The following CEP83 variants were observed in gnomAD, a reference collection of about 807,000 sequenced individuals.
CEP83 encodes the protein centrosomal protein of 83 kDa.
CEP83 carries 70 observed loss-of-function variants against 101.9 expected under a neutral mutation model. That is an observed-to-expected ratio of 0.69 (90% CI 0.57 to 0.84). The LOEUF is 0.84. Ranked by LOEUF, CEP83 falls within the 40% of genes least tolerant of loss-of-function variation. The pLI, the probability that CEP83 is intolerant of heterozygous loss-of-function variation, is 0.00. For missense variants in CEP83, 715 were observed against 787.2 expected, an observed-to-expected ratio of 0.91 and a Z score of 1.10; for synonymous variants, 264 against 267.9, an observed-to-expected ratio of 0.99 and a Z score of 0.14.
At chr12:94,398,166 C>T (rs377171946) in intron 6 of CEP83, among the ~76,000 whole-genome samples, 2 of 152,018 alleles carry the variant, frequency 1.3e-5, no homozygotes, top group South Asian at 2.1e-4. Context: ...CTTCTTAAGC[C>T]GAAGCTGGAG....
At chr12:94,394,087 A>G (rs1593675134) in intron 6 of CEP83, among the ~76,000 whole-genome samples, 1 of 152,210 alleles carries the variant, frequency 6.6e-6, no homozygotes, top group Non-Finnish European at 1.5e-5. Flanking sequence ...CCATCAAGCT[A>G]CCAATGACTT....
chr12:94,366,802 G>A (rs1394037406), intron 11 of CEP83, among the ~76,000 whole-genome samples: 1 of 152,036 alleles, frequency 6.6e-6, no homozygotes, highest in African/African-American at 2.4e-5. Flanking sequence ...CCAGGGCTGG[G>A]GCAGGGAAAG....
chr12:94,334,781 T>TGG, intron 12 of CEP83, among the ~76,000 whole-genome samples: 1 of 152,284 alleles, frequency 6.6e-6, no homozygotes, highest in East Asian at 1.9e-4. Flanking sequence ...CATGTAGAAC[T>TGG]ATTCACTCTT....
In CEP83 at chr12:94,325,453, G is replaced by GT. The variant is rs535677212; in HGVS notation, c.1707+6246dup. Among the ~76,000 whole-genome samples, 402 of 152,026 alleles carry GT rather than the reference G, an allele frequency of 2.6e-3. 2 individuals are homozygous for GT. The highest frequency in any genetic ancestry group is 9.3e-3 in the African/African-American group (385 of 41,456). On this transcript the variant is annotated intron_variant, in intron 14 of 16. Transcript: ENST00000397809. ...CTCCCAAAGTGCTGGGATTACAGGC[G>GT]TGAGTCACCGCACCCAGCCTACTCC...
intron 13 of CEP83, among the ~76,000 whole-genome samples, chr12:94,332,827 G>A (rs1208627540): frequency 6.6e-6 from 1 of 151,920 alleles, no homozygotes; most frequent in African/African-American, 2.4e-5. Context: ...GTGGCCTTCA[G>A]AAGAAGAAAT....
the CEP83 span, among the ~76,000 whole-genome samples, chr12:94,274,155 T>TTAAAAA: frequency 2.2e-5 from 1 of 45,376 alleles, no homozygotes; most frequent in African/African-American, 1.2e-4. Flanking sequence ...ACCCTGTCTC[T>TTAAAAA]AAAAAAAAAA....
At chr12:94,357,602 C>T (rs2060541468) in intron 11 of CEP83, among the ~76,000 whole-genome samples, 1 of 152,204 alleles carries the variant, frequency 6.6e-6, no homozygotes, top group Non-Finnish European at 1.5e-5. Flanking sequence ...TCCCCTGCCA[C>T]AGCAAGTAGT....
chr12:94,368,967 C>T (rs2137027178), intron 9 of CEP83: 1 of 152,316 alleles, frequency 6.6e-6, no homozygotes, highest in East Asian at 1.9e-4. Flanking sequence ...CTAGCCTGGG[C>T]AACATGGTGA....
At chr12:94,293,210 G>A in the CEP83 span, among the ~76,000 whole-genome samples, 1 of 152,126 alleles carries the variant, frequency 6.6e-6, no homozygotes, top group Non-Finnish European at 1.5e-5. Context: ...GTATAAATAT[G>A]CCCCAAATTA....
intron 14 of CEP83, among the ~76,000 whole-genome samples, chr12:94,313,796 C>T (rs544302002): frequency 1.3e-5 from 2 of 152,082 alleles, no homozygotes; most frequent in Non-Finnish European, 2.9e-5. Flanking sequence ...GAGATTGCAC[C>T]ACTGCACTCC....
chr12:94,402,504 C>A (rs1383921156), intron 5 of CEP83, among the ~76,000 whole-genome samples: 1 of 152,046 alleles, frequency 6.6e-6, no homozygotes, highest in Non-Finnish European at 1.5e-5. Context: ...TAGATGGGAG[C>A]AGTCAAAGTA....
intron 14 of CEP83, among the ~76,000 whole-genome samples, chr12:94,317,954 T>C (rs1030626353): frequency 6.6e-6 from 1 of 152,184 alleles, no homozygotes; most frequent in Non-Finnish European, 1.5e-5. Context: ...TCTAGTTCCA[T>C]GAAGAATGCC....
intron 8 of CEP83, 32 bp downstream of exon 8, chr12:94,375,853 TA>T (rs775205492): frequency 8.0e-7 from 1 of 1,252,140 alleles, no homozygotes; most frequent in South Asian, 1.9e-5. Flanking sequence ...ACAAACATTC[TA>T]AAGAATGAAA....
rs1434773129 is a variant in CEP83 at position 94,319,827 on chromosome 12, TG to T, written c.1708-6811del. 2.6e-5 allele frequency among the ~76,000 whole-genome samples: 4 copies of T among 152,208 alleles called. No homozygotes were observed. The East Asian group carries it at 7.7e-4, about 29-fold the overall frequency. The stretch of plus-strand genomic sequence containing the variant: ...CAGCAATGAGAAGAATGTATATTCC[TG>T]TTGTTTTTGGATGTAGAGTTCTGTA... On this transcript the variant is annotated intron_variant, in intron 14 of 16. Transcript: ENST00000397809.
the CEP83 span, among the ~76,000 whole-genome samples, chr12:94,270,099 C>T: frequency 5.3e-5 from 8 of 152,206 alleles, no homozygotes; most frequent in South Asian, 6.2e-4. Flanking sequence ...TATATTTGTA[C>T]CCCTCAGAGA....
rs1208943370 is a variant in CEP83 at position 94,382,232 on chromosome 12, T to G, written c.550-3190A>C. Among the ~76,000 whole-genome samples, 3 of 151,964 alleles carry G rather than the reference T, an allele frequency of 2.0e-5. No homozygotes were observed. The South Asian group carries it at 6.2e-4, about 32-fold the overall frequency. ...CTTTCATTCCTGAGATAGGTAAAATTTTTATCTTCCATCTTTTTTGTTAGT... is the reference window on the plus strand; with the variant it reads ...CTTTCATTCCTGAGATAGGTAAAATGTTTATCTTCCATCTTTTTTGTTAGT... On this transcript the variant is annotated intron_variant, in intron 6 of 16. Coordinates refer to ENST00000397809, the MANE Select transcript of CEP83 (RefSeq NM_016122.3).
At chr12:94,315,631 C>G (rs1970559693) in intron 14 of CEP83, among the ~76,000 whole-genome samples, 1 of 151,804 alleles carries the variant, frequency 6.6e-6, no homozygotes, top group Admixed American at 6.6e-5. Context: ...CTTTTTGCAT[C>G]CTGCTTATCT....
chr12:94,416,316 C>T (rs1306013092), intron 2 of CEP83, among the ~76,000 whole-genome samples: 1 of 152,098 alleles, frequency 6.6e-6, no homozygotes, highest in Non-Finnish European at 1.5e-5. Context: ...AGAAGGCTGA[C>T]TAGCTATGGA....
intron 11 of CEP83, among the ~76,000 whole-genome samples, chr12:94,343,470 CTTTTTTTTTTTTTTTT>C (rs1161481202): frequency 3.6e-5 from 3 of 84,176 alleles, no homozygotes; most frequent in Middle Eastern, 0.018. Flanking sequence ...TAGAAATTAA[CTTTTTTTTTTTTTTTT>C]TTTTTTTTTT....
Sources: allele counts gnomAD v4.1 joint callset (sites outside exome capture counted in the v4.1 genomes callset), GRCh38; gene constraint gnomAD v4.1.1; transcripts MANE v1.5; gene names NCBI Gene and HGNC (gene_info 2026-07-23, HGNC 2026-07-21).